HSD11B1: variants seen among roughly 807,000 people sequenced by gnomAD.
HSD11B1 encodes hydroxysteroid 11-beta dehydrogenase 1.
HSD11B1 carries 15 observed loss-of-function variants against 22.1 expected under a neutral mutation model. That is an observed-to-expected ratio of 0.68 (90% CI 0.45 to 1.04). The LOEUF (loss-of-function observed/expected upper bound fraction) is 1.04, where lower values mean the gene tolerates loss of function less well. Ranked by LOEUF, HSD11B1 falls within the 50% of genes least tolerant of loss-of-function variation. HSD11B1 has a pLI of 0.00. For missense variants in HSD11B1, 281 were observed against 357.6 expected, an observed-to-expected ratio of 0.79 and a Z score of 1.73; for synonymous variants, 122 against 125.2, an observed-to-expected ratio of 0.97 and a Z score of 0.17.
chr1:209,695,362 G>C (rs1306079646), intron 1 of HSD11B1, among the ~76,000 whole-genome samples: 1 of 152,166 alleles, frequency 6.6e-6, no homozygotes, highest in East Asian at 1.9e-4. Context: ...ACTGTACTTG[G>C]TGATTAATGG....
intron 1 of HSD11B1, among the ~76,000 whole-genome samples, chr1:209,692,222 A>G (rs1437622189): frequency 1.3e-5 from 2 of 152,220 alleles, no homozygotes; most frequent in East Asian, 3.8e-4. Flanking sequence ...TACCCAAAGT[A>G]GAAGTTCGGA....
At chr1:209,726,274 CGTAA>C (rs1346772382) in intron 4 of HSD11B1, among the ~76,000 whole-genome samples, 5 of 37,062 alleles carry the variant, frequency 1.3e-4, no homozygotes, top group South Asian at 1.7e-3. Flanking sequence ...AATGAGACTC[CGTAA>C]AAAAAAAAAA....
chr1:209,734,787 A>G lies in HSD11B1; in HGVS notation c.*266A>G, dbSNP rs1269516405. ...TACCAGATAGTTATATTAAATTTATATCTTATATATAATAATATGTGATGA... is the reference window on the plus strand; with the variant it reads ...TACCAGATAGTTATATTAAATTTATGTCTTATATATAATAATATGTGATGA... On this transcript the variant is annotated 3_prime_UTR_variant, in exon 6 of 6. Coordinates refer to ENST00000367027, the MANE Select transcript of HSD11B1 (RefSeq NM_005525.4). The G allele has an allele frequency of 1.3e-5, 3 of 224,182 alleles. No individual in the cohort carries two copies. The highest frequency in any genetic ancestry group is 1.8e-5 in the Non-Finnish European group (2 of 112,126). 13.9% of individuals were successfully genotyped at this position (224,182 alleles called of 1,614,324 possible).
intron 4 of HSD11B1, among the ~76,000 whole-genome samples, chr1:209,719,739 T>C (rs576237571): frequency 6.6e-6 from 1 of 152,310 alleles, no homozygotes; most frequent in African/African-American, 2.4e-5. Flanking sequence ...ACTCATCCTT[T>C]TTTATGGCTT....
At chr1:209,718,754 G>C (rs950157427) in intron 4 of HSD11B1, among the ~76,000 whole-genome samples, 1 of 152,072 alleles carries the variant, frequency 6.6e-6, no homozygotes, top group African/African-American at 2.4e-5. Context: ...GAAAGCAGGA[G>C]GCCGGGTGTG....
intron 1 of HSD11B1, among the ~76,000 whole-genome samples, chr1:209,694,322 G>A (rs942737719): frequency 6.6e-6 from 1 of 152,180 alleles, no homozygotes; most frequent in African/African-American, 2.4e-5. Flanking sequence ...TGGAGATGCA[G>A]GGGCAAGCAA....
chr1:209,688,561 G>A (rs2076741387), intron 1 of HSD11B1, among the ~76,000 whole-genome samples: 1 of 152,086 alleles, frequency 6.6e-6, no homozygotes, highest in South Asian at 2.1e-4. Context: ...ACGAACAAAT[G>A]GAATATTTCC....
rs539792966 is a variant in HSD11B1, at chr1:209,707,289, G to C, written c.517+161G>C. ...GGCTACAAAATTCTTTTAAGTAACA[G>C]AGAAAAAGCAGTAGCTCTGAGTGCT... On this transcript the variant is annotated intron_variant, in intron 4 of 5. Coordinates refer to ENST00000367027, the MANE Select transcript of HSD11B1 (RefSeq NM_005525.4). Among the ~76,000 whole-genome samples, 24 of 152,280 alleles carry C rather than the reference G, an allele frequency of 1.6e-4. No homozygotes were observed. In the East Asian group the frequency reaches 4.4e-3, roughly 28 times the overall value.
intron 4 of HSD11B1, among the ~76,000 whole-genome samples, chr1:209,712,304 C>T (rs2076902716): frequency 6.6e-6 from 1 of 152,074 alleles, no homozygotes; most frequent in African/African-American, 2.4e-5. Flanking sequence ...ACTCTGCATG[C>T]CTGGGTTCTA....
chr1:209,729,819 T>A (rs1199001151), intron 4 of HSD11B1, among the ~76,000 whole-genome samples: 7 of 152,172 alleles, frequency 4.6e-5, no homozygotes, highest in Admixed American at 4.6e-4. Context: ...GCAAGGATGG[T>A]TCAACATAAG....
chr1:209,697,918 A>G (rs78742405), intron 1 of HSD11B1, among the ~76,000 whole-genome samples: 605 of 8,038 alleles, frequency 0.075, 6 homozygotes, highest in African/African-American at 0.12. Context: ...TTTTTTTGAG[A>G]TGAGGGTCTT....
chr1:209,696,052 T>C (rs2076789409), intron 1 of HSD11B1, among the ~76,000 whole-genome samples: 1 of 152,214 alleles, frequency 6.6e-6, no homozygotes, highest in Admixed American at 6.5e-5. Context: ...TGACACATGT[T>C]ACAATACGGA....
intron 1 of HSD11B1, among the ~76,000 whole-genome samples, chr1:209,705,331 G>A (rs538046370): frequency 1.4e-5 from 2 of 140,640 alleles, no homozygotes; most frequent in Non-Finnish European, 3.0e-5. Context: ...TCACAACTCA[G>A]CAGCTAATTG....
upstream of HSD11B1, among the ~76,000 whole-genome samples, chr1:209,703,928 C>T (rs992045995): frequency 6.6e-6 from 1 of 152,182 alleles, no homozygotes; most frequent in Non-Finnish European, 1.5e-5. Flanking sequence ...TACGGACATA[C>T]TGAGGTGGTT....
At chr1:209,705,742 T>C (rs539456387) in intron 1 of HSD11B1, 69 bp from the exon 2 acceptor site, 3 of 1,600,736 alleles carry the variant, frequency 1.9e-6, no homozygotes, top group Admixed American at 3.3e-5. Context: ...CATGCCTATA[T>C]CCAGAGAGGG....
chr1:209,700,136 C>G (rs905655872), upstream of HSD11B1, among the ~76,000 whole-genome samples: 1 of 152,218 alleles, frequency 6.6e-6, no homozygotes, highest in Admixed American at 6.5e-5. Flanking sequence ...TCTCACAGCT[C>G]CACTAGGCAG....
At position 209,734,288 on chromosome 1, in the gene HSD11B1, C is replaced by T. The variant is rs778850535; in HGVS notation, c.662-16C>T. 1 of 1,602,670 alleles carries T rather than the reference C, an allele frequency of 6.2e-7. No homozygotes were observed. Among genetic ancestry groups the T allele is most frequent in the Admixed American group, 1.7e-5 (1 of 59,720 alleles). On this transcript the variant is annotated splice_polypyrimidine_tract_variant and intron_variant, in intron 5 of 5. Transcript: ENST00000367027. Reference sequence around the variant, plus strand: ...TCCTAGTCAGATAACCCTACTCTTCCCTTGTCATTCTATAGAAACAGCCAT... The same window carrying T: ...TCCTAGTCAGATAACCCTACTCTTCTCTTGTCATTCTATAGAAACAGCCAT...
In HSD11B1 at chr1:209,696,319, C is replaced by T. The variant is rs149264661; in HGVS notation, c.-48-8576C>T. ...ATTTATTCAAAATCATTGAATTGTA[C>T]ACTTAAAATGAGATAATTTGCTAGT... is the stretch of plus-strand genomic sequence containing the variant. On this transcript the variant is annotated intron_variant, in intron 1 of 6. Coordinates refer to the HSD11B1 transcript ENST00000261465. Among the ~76,000 whole-genome samples, 1,214 of 152,164 alleles carry T rather than the reference C, an allele frequency of 8.0e-3. 21 individuals carry two copies. The highest frequency in any genetic ancestry group is 0.027 in the African/African-American group (1,141 of 41,516).
At position 209,705,947 on chromosome 1, in the gene HSD11B1, G is replaced by A. The variant is rs202219444; in HGVS notation, c.219+6G>A. Reference sequence around the variant, plus strand: ...CAAAAGAAACTCTACAGAAGGTGAGGGTTCTATGCTCGCAGATATGTGTAC... The same window carrying A: ...CAAAAGAAACTCTACAGAAGGTGAGAGTTCTATGCTCGCAGATATGTGTAC... On this transcript the variant is annotated splice_donor_region_variant and intron_variant, in intron 2 of 5. Coordinates refer to ENST00000367027, the MANE Select transcript of HSD11B1 (RefSeq NM_005525.4). The A allele has an allele frequency of 2.0e-3, 3,203 of 1,613,666 alleles. 10 individuals carry two copies. The highest frequency in any genetic ancestry group is 2.3e-3 in the Non-Finnish European group (2,709 of 1,179,726).
Sources: allele counts gnomAD v4.1 joint callset (sites outside exome capture counted in the v4.1 genomes callset), GRCh38; gene constraint gnomAD v4.1.1; transcripts MANE v1.5; gene names NCBI Gene and HGNC (gene_info 2026-07-23, HGNC 2026-07-21).